Variants in FMN1 observed in about 807,000 individuals in gnomAD.
FMN1 encodes the protein formin 1, also known as formin-1.
A neutral mutation model predicts 132.4 loss-of-function variants in FMN1; 110 were observed. The observed-to-expected ratio is 0.83, with a 90% confidence interval of 0.71 to 0.97. The LOEUF is 0.97. FMN1 is among the 50% of genes least tolerant of loss of function. The probability of loss-of-function intolerance (pLI) is 0.00; values close to 1 mark genes in which losing one functional copy is unlikely to be tolerated. For missense variants in FMN1, 1,792 were observed against 1,705.3 expected, an observed-to-expected ratio of 1.05 and a Z score of -0.90; for synonymous variants, 722 against 651.7, an observed-to-expected ratio of 1.11 and a Z score of -1.64.
intron 5 of FMN1, among the ~76,000 whole-genome samples, chr15:33,088,246 G>A (rs1238254056): frequency 6.6e-6 from 1 of 151,984 alleles, no homozygotes; most frequent in Non-Finnish European, 1.5e-5. Context: ...AACTGCAGAG[G>A]TTATTAAAAG....
intron 5 of FMN1, among the ~76,000 whole-genome samples, chr15:33,076,532 A>G (rs1362848023): frequency 2.6e-5 from 4 of 152,216 alleles, no homozygotes; most frequent in Non-Finnish European, 5.9e-5. Context: ...TTTACCCAAA[A>G]GAAAATGAAG....
chr15:32,989,866 T>C (rs1387914096), intron 7 of FMN1, among the ~76,000 whole-genome samples: 1 of 151,806 alleles, frequency 6.6e-6, no homozygotes, highest in Admixed American at 6.6e-5. Flanking sequence ...GCATCTGAGG[T>C]TTTTGGCCTA....
chr15:33,012,122 T>C (rs1436769434), intron 6 of FMN1: 1 of 452,948 alleles, frequency 2.2e-6, no homozygotes, highest in Non-Finnish European at 4.0e-6. Flanking sequence ...TGCTGTCATG[T>C]CTGCACATCA....
intron 7 of FMN1, among the ~76,000 whole-genome samples, chr15:33,001,630 G>GT (rs2034118967): frequency 8.8e-6 from 1 of 113,452 alleles, no homozygotes; most frequent in African/African-American, 3.5e-5. Flanking sequence ...TGGTCTTTGT[G>GT]CTTTTTTTTT....
At chr15:33,122,475 T>C (rs186036019) in intron 4 of FMN1, among the ~76,000 whole-genome samples, 4 of 152,376 alleles carry the variant, frequency 2.6e-5, no homozygotes, top group Non-Finnish European at 5.9e-5. Context: ...GCTCATCCTT[T>C]TACTGCTCAG....
chr15:32,919,954 A>G (rs1200105953), intron 10 of FMN1, among the ~76,000 whole-genome samples: 4 of 152,366 alleles, frequency 2.6e-5, no homozygotes, highest in African/African-American at 9.6e-5. Context: ...TGAGATTCCC[A>G]AACAGAAAGA....
At chr15:33,001,957 C>T (rs2034144256) in intron 7 of FMN1, among the ~76,000 whole-genome samples, 1 of 152,008 alleles carries the variant, frequency 6.6e-6, no homozygotes. Flanking sequence ...CTGTCCAATC[C>T]AAATATTTTA....
At chr15:32,831,393 C>T (rs548626328) in intron 17 of FMN1, among the ~76,000 whole-genome samples, 77 of 152,082 alleles carry the variant, frequency 5.1e-4, no homozygotes, top group African/African-American at 1.7e-3. Context: ...AATAATATAA[C>T]GCACATATCA....
chr15:32,987,722 T>G (rs1441728461), intron 7 of FMN1, among the ~76,000 whole-genome samples: 4 of 152,160 alleles, frequency 2.6e-5, no homozygotes, highest in African/African-American at 9.7e-5. Flanking sequence ...ATTTGTCTCA[T>G]GTATTTTTCA....
At chr15:32,905,078 T>G (rs1399510184) in intron 12 of FMN1, among the ~76,000 whole-genome samples, 1 of 152,208 alleles carries the variant, frequency 6.6e-6, no homozygotes, top group African/African-American at 2.4e-5. Flanking sequence ...AAATGAGGGA[T>G]CCTTCCCTTC....
Position 32,766,504 on chromosome 15 carries a change from A to C in FMN1, c.*7806T>G, listed in dbSNP as rs1366160500. The C allele has an allele frequency of 2.0e-5, 3 of 151,476 alleles. No individual in the cohort carries two copies. Among genetic ancestry groups the C allele is most frequent in the Non-Finnish European group, 2.9e-5 (2 of 67,904 alleles). The allele number at this position is 151,476 out of a possible 1,614,324, so 9.4% of individuals were successfully genotyped here. A position where few individuals can be genotyped will look rare whatever the true frequency, so the allele number is the denominator to read the frequency against. Reference sequence around the variant, plus strand: ...TAATTAGTTTAAGGTAAAATCTATGAGAAATTGAGAAGGCCTAGAATAAGA... The same window carrying C: ...TAATTAGTTTAAGGTAAAATCTATGCGAAATTGAGAAGGCCTAGAATAAGA... On this transcript the variant is annotated 3_prime_UTR_variant, in exon 21 of 21. Coordinates refer to ENST00000616417, the MANE Select transcript of FMN1 (RefSeq NM_001277313.2).
At chr15:32,919,877 G>A (rs561147068) in intron 10 of FMN1, among the ~76,000 whole-genome samples, 9 of 152,276 alleles carry the variant, frequency 5.9e-5, no homozygotes, top group East Asian at 1.9e-4. Flanking sequence ...AAGGTCCAGC[G>A]GGCATTCTCA....
At chr15:33,018,550 G>T (rs746207724) in intron 6 of FMN1, among the ~76,000 whole-genome samples, 3 of 152,186 alleles carry the variant, frequency 2.0e-5, no homozygotes, top group Non-Finnish European at 4.4e-5. Flanking sequence ...GGTTCCCAGA[G>T]GGTGGTGCGC....
At chr15:33,109,118 C>T (rs562278608) in intron 4 of FMN1, among the ~76,000 whole-genome samples, 1 of 152,130 alleles carries the variant, frequency 6.6e-6, no homozygotes, top group East Asian at 1.9e-4. Flanking sequence ...CATACTTGGT[C>T]TAGAGTGTGC....
chr15:32,865,375 ATAAGG>A (rs1170665807), intron 16 of FMN1, among the ~76,000 whole-genome samples: 3 of 152,228 alleles, frequency 2.0e-5, no homozygotes, highest in African/African-American at 7.2e-5. Flanking sequence ...ACTTCTTTAT[ATAAGG>A]TAAATAATTT....
chr15:33,174,663 A>C (rs1350771042), intron 3 of FMN1, among the ~76,000 whole-genome samples: 1 of 152,196 alleles, frequency 6.6e-6, no homozygotes, highest in Non-Finnish European at 1.5e-5. Context: ...GGATCAATCA[A>C]GTGTTTCTAG....
At chr15:33,108,172 CCT>C (rs1030100390) in intron 4 of FMN1, among the ~76,000 whole-genome samples, 4 of 151,958 alleles carry the variant, frequency 2.6e-5, no homozygotes, top group African/African-American at 9.7e-5. Context: ...TTGACTAAGC[CCT>C]CTCTGTTTTC....
At chr15:33,096,993 C>T (rs1461518307) in intron 4 of FMN1, among the ~76,000 whole-genome samples, 1 of 151,992 alleles carries the variant, frequency 6.6e-6, no homozygotes, top group Non-Finnish European at 1.5e-5. Context: ...CAGAAATCAC[C>T]TCAGTAGAAA....
chr15:32,991,901 AC>A (rs1662708159), intron 7 of FMN1, among the ~76,000 whole-genome samples: 1 of 152,156 alleles, frequency 6.6e-6, no homozygotes, highest in African/African-American at 2.4e-5. Flanking sequence ...ATATTTTTGG[AC>A]ACCTAAAGGC....
Sources: gnomAD v4.1 joint callset for allele counts (sites outside exome capture counted in the v4.1 genomes callset) on GRCh38, gnomAD v4.1.1 for gene constraint, MANE v1.5 for transcripts, NCBI Gene and HGNC (gene_info 2026-07-23, HGNC 2026-07-21) for gene names.